The following DRC3 variants were observed in gnomAD, a reference collection of about 807,000 sequenced individuals.
DRC3 encodes the protein leucine rich repeat containing 48.
A neutral mutation model predicts 57.6 loss-of-function variants in DRC3; 45 were observed. That is an observed-to-expected ratio of 0.78 (90% CI 0.62 to 1.00). The LOEUF (loss-of-function observed/expected upper bound fraction) is 1.00. Among genes scored for constraint, DRC3 ranks in the 50% least tolerant of loss-of-function variants. The probability of loss-of-function intolerance (pLI) is 0.00; values close to 1 mark genes in which losing one functional copy is unlikely to be tolerated. For synonymous variants in DRC3, 257 were observed against 272.3 expected (o/e 0.94, Z 0.55); for missense variants, 655 against 675.2 (o/e 0.97, Z 0.33).
intron 9 of DRC3, among the ~76,000 whole-genome samples, chr17:18,003,030 T>C (rs1028220219): frequency 2.0e-5 from 3 of 152,124 alleles, no homozygotes; most frequent in African/African-American, 7.2e-5. Context: ...CTTATATACT[T>C]AGTTGGACAG....
In DRC3 at chr17:17,987,852, G is replaced by A. The variant is rs980770618; in HGVS notation, c.278-80G>A. 15 of 1,458,168 alleles carry A rather than the reference G, an allele frequency of 1.0e-5. No individual in the cohort carries two copies. The South Asian group carries it at 1.9e-4, about 18-fold the overall frequency. 90.3% of individuals were successfully genotyped at this position (1,458,168 alleles called of 1,614,324 possible). A position where few individuals can be genotyped will look rare whatever the true frequency, so the allele number is the denominator to read the frequency against. The stretch of plus-strand genomic sequence containing the variant: ...TTGGTGCTGGCTCACAGGGCACTCA[G>A]TAGCCCTGATGGTTTTATTTCAGGA... On this transcript the variant is annotated intron_variant, in intron 4 of 13. Transcript: ENST00000399187.
intron 8 of DRC3, 91 bp from the exon 9 acceptor site, chr17:17,997,369 C>CTG (rs1242868012): frequency 8.4e-7 from 1 of 1,193,766 alleles, no homozygotes; most frequent in African/African-American, 1.5e-5. Context: ...AGCGCACAGT[C>CTG]TGTGCACTGT....
In DRC3 at chr17:17,978,300, A is replaced by G. The variant is rs1300565157; in HGVS notation, c.160+542A>G. The stretch of plus-strand genomic sequence containing the variant: ...GACCAGGCGGACCCTCACTGCTTCA[A>G]TGTCCCGTCTGTGGAATGGGATGGC... On this transcript the variant is annotated intron_variant, in intron 3 of 13. Transcript: ENST00000399187. Among the ~76,000 whole-genome samples, 3 of 152,186 alleles carry G rather than the reference A, an allele frequency of 2.0e-5. No individual in the cohort carries two copies. In the East Asian group the frequency reaches 5.8e-4, roughly 29 times the overall value.
chr17:17,995,923 T>C (rs906001360), intron 8 of DRC3, among the ~76,000 whole-genome samples: 3 of 152,252 alleles, frequency 2.0e-5, no homozygotes, highest in Admixed American at 6.5e-5. Flanking sequence ...GGCTAGGCAA[T>C]GTAGTGAGAC....
chr17:18,016,560 T>C lies in DRC3; in HGVS notation c.1461T>C (p.Ile487=). The C allele has an allele frequency of 6.2e-7, 1 of 1,610,908 alleles. No homozygotes were observed. The highest frequency in any genetic ancestry group is 2.2e-5 in the East Asian group (1 of 44,854). The change falls in exon 14 of 14, where the codon ATT becomes ATC. Residue 487 remains isoleucine (I), a splice_region_variant and synonymous_variant. Coordinates refer to ENST00000399187, the MANE Select transcript of DRC3 (RefSeq NM_031294.4). ...NSWCTRLIDR[I]HKDEIMRNRK... is the part of the protein sequence containing the mutation. ...CGGGCTTTGGTTTCACTCCTCAGAT[T>C]CACAAGGATGAGATCATGAGGAACC... is the stretch of plus-strand genomic sequence containing the variant.
At chr17:17,980,646 G>A (rs977310411) in intron 3 of DRC3, among the ~76,000 whole-genome samples, 3 of 144,832 alleles carry the variant, frequency 2.1e-5, no homozygotes, top group African/African-American at 7.8e-5. Context: ...CCAGGCTAGA[G>A]TGCAGTGGCA....
chr17:17,976,287 C>T (rs950147458), intron 2 of DRC3, among the ~76,000 whole-genome samples: 15 of 152,336 alleles, frequency 9.8e-5, no homozygotes, highest in South Asian at 4.1e-4. Context: ...CAGCCACGAA[C>T]GGCAGCCTGG....
At position 18,006,156 on chromosome 17, in the gene DRC3, G is replaced by GTTAA. The variant is rs575044719; in HGVS notation, c.1132-26_1132-23dup. On this transcript the variant is annotated intron_variant, in intron 10 of 13. Coordinates refer to ENST00000399187, the MANE Select transcript of DRC3 (RefSeq NM_031294.4). The stretch of plus-strand genomic sequence containing the variant: ...CTGTGCTGGACATCTAAATATGCAT[G>GTTAA]TTAACTGTGTTCTTTAACATTTCCA... 1.5e-4 allele frequency: 236 copies of GTTAA among 1,563,414 alleles called. No individual in the cohort carries two copies. The African/African-American group carries it at 3.0e-3, about 20-fold the overall frequency.
intron 5 of DRC3, among the ~76,000 whole-genome samples, chr17:17,991,045 T>A (rs930699431): frequency 1.6e-4 from 25 of 152,160 alleles, no homozygotes; most frequent in Admixed American, 1.3e-3. Flanking sequence ...TCCTAAAATA[T>A]GTGCTCTTGC....
chr17:18,013,022 T>C (rs892833686), intron 12 of DRC3, among the ~76,000 whole-genome samples: 2 of 152,078 alleles, frequency 1.3e-5, no homozygotes, highest in African/African-American at 4.8e-5. Flanking sequence ...AAAGAAGACA[T>C]ACAAATGGCC....
chr17:17,993,102 T>C (rs958029641), intron 6 of DRC3, 191 bp downstream of exon 6: 8 of 606,356 alleles, frequency 1.3e-5, no homozygotes, highest in African/African-American at 1.3e-4. Flanking sequence ...AAGTACTGTT[T>C]TGTGTGCGTT....
chr17:17,974,296 C>G (rs1049963942), intron 2 of DRC3, among the ~76,000 whole-genome samples: 17 of 152,240 alleles, frequency 1.1e-4, no homozygotes, highest in African/African-American at 3.9e-4. Flanking sequence ...TCTCTCACCT[C>G]AGTACTTTTG....
chr17:17,994,140 C>G, intron 6 of DRC3, 159 bp from the exon 7 acceptor site: 1 of 915,992 alleles, frequency 1.1e-6, no homozygotes, highest in African/African-American at 1.7e-5. Context: ...TGGGCATTCT[C>G]ATCCACGAGA....
chr17:17,977,789 A>G, intron 3 of DRC3, 31 bp downstream of exon 3: 1 of 1,541,126 alleles, frequency 6.5e-7, no homozygotes, highest in Non-Finnish European at 8.7e-7. Flanking sequence ...GGTGGTGGCC[A>G]GGGTGGGCCC....
rs144341103 is a variant in DRC3, at chr17:17,986,519, G to A, written c.278-1413G>A. The stretch of plus-strand genomic sequence containing the variant: ...AAGCTTCACTTCATCACCTAGGCTG[G>A]AGTGCAGTGGCACAATCTCGGCTCA... On this transcript the variant is annotated intron_variant, in intron 4 of 13. Transcript: ENST00000399187. Among the ~76,000 whole-genome samples, 395 of 149,198 alleles carry A rather than the reference G, an allele frequency of 2.6e-3. 2 individuals are homozygous for A. Among genetic ancestry groups the A allele is most frequent in the African/African-American group, 9.4e-3 (377 of 40,304 alleles).
rs2043516753 is a variant in DRC3, at chr17:17,997,615, T to C, written c.980T>C (p.Phe327Ser). ...QEQGKRKIAKFEEKHLSSLSA... is the reference protein window; with the variant it reads ...QEQGKRKIAKSEEKHLSSLSA... ...CAGGGCAAACGCAAGATTGCCAAAT[T>C]CGAGGAGAAGCACTTGTCGGTAGGC... Residue 327 changes from phenylalanine (F) to serine (S), a missense_variant, in exon 9 of 14, where the codon TTC (phenylalanine) becomes TCC (serine). Coordinates refer to ENST00000399187, the MANE Select transcript of DRC3 (RefSeq NM_031294.4). 1 of 1,608,296 alleles carries C rather than the reference T, an allele frequency of 6.2e-7. No individual in the cohort carries two copies. Among genetic ancestry groups the C allele is most frequent in the Non-Finnish European group, 8.5e-7 (1 of 1,177,658 alleles).
At chr17:17,988,967 G>A (rs1170116884) in intron 5 of DRC3, among the ~76,000 whole-genome samples, 5 of 152,210 alleles carry the variant, frequency 3.3e-5, no homozygotes. Context: ...AGATGGAGAT[G>A]ATGGCCATGA....
chr17:17,997,016 C>T (rs2043484697), intron 8 of DRC3, among the ~76,000 whole-genome samples: 1 of 152,162 alleles, frequency 6.6e-6, no homozygotes, highest in African/African-American at 2.4e-5. Context: ...AGCTGAGCAC[C>T]AAGACAGGCC....
At chr17:17,991,585 G>C (rs2043233736) in intron 5 of DRC3, among the ~76,000 whole-genome samples, 1 of 151,846 alleles carries the variant, frequency 6.6e-6, no homozygotes, top group African/African-American at 2.4e-5. Flanking sequence ...CGTGAGCCTT[G>C]TACCCGGCCA....
Sources: allele counts gnomAD v4.1 joint callset (sites outside exome capture counted in the v4.1 genomes callset), GRCh38; gene constraint gnomAD v4.1.1; transcripts MANE v1.5; gene names NCBI Gene and HGNC (gene_info 2026-07-23, HGNC 2026-07-21).